The following SEMA3A variants were observed in gnomAD, a reference collection of about 807,000 sequenced individuals.
The protein encoded by SEMA3A is semaphorin 3A.
In SEMA3A, 29 loss-of-function variants were observed where a neutral mutation model predicts 97.9. The ratio of observed to expected loss-of-function variants is 0.30; its 90% CI spans 0.22 to 0.40. The LOEUF (loss-of-function observed/expected upper bound fraction) is 0.40. Among genes scored for constraint, SEMA3A ranks in the 10% least tolerant of loss-of-function variants. The pLI is 1.00. For synonymous variants in SEMA3A, 321 were observed against 323.7 expected (o/e 0.99, Z 0.09); for missense variants, 763 against 951.3 (o/e 0.80, Z 2.60).
At chr7:84,397,219 T>A (rs1195172953) in intron 1 of SEMA3A, among the ~76,000 whole-genome samples, 2 of 151,810 alleles carry the variant, frequency 1.3e-5, no homozygotes, top group Non-Finnish European at 2.9e-5. Flanking sequence ...TTTAATTGTC[T>A]GGTTCTGATT....
intron 1 of SEMA3A, among the ~76,000 whole-genome samples, chr7:84,402,151 CAAACA>C (rs566695344): frequency 9.2e-5 from 14 of 151,984 alleles, no homozygotes; most frequent in East Asian, 3.9e-4. Context: ...GGGTAGCAAA[CAAACA>C]AAACAAAACA....
intron 5 of SEMA3A, among the ~76,000 whole-genome samples, chr7:84,051,811 A>T (rs1792668556): frequency 6.6e-6 from 1 of 151,860 alleles, no homozygotes; most frequent in African/African-American, 2.4e-5. Context: ...GAATGCTTCC[A>T]GTTTTTGCAC....
At chr7:84,382,745 G>A (rs1443696010) in intron 1 of SEMA3A, among the ~76,000 whole-genome samples, 1 of 150,776 alleles carries the variant, frequency 6.6e-6, no homozygotes, top group Non-Finnish European at 1.5e-5. Flanking sequence ...AGGCGTGGTG[G>A]TGGGTGCCTG....
intron 2 of SEMA3A, among the ~76,000 whole-genome samples, chr7:84,330,522 G>A (rs1022579716): frequency 5.3e-5 from 8 of 151,924 alleles, no homozygotes; most frequent in Non-Finnish European, 8.8e-5. Context: ...GATATCAGTG[G>A]CAGAGATGGT....
At chr7:84,447,662 T>A (rs1048922486) in intron 1 of SEMA3A, among the ~76,000 whole-genome samples, 1 of 152,156 alleles carries the variant, frequency 6.6e-6, no homozygotes, top group Admixed American at 6.5e-5. Flanking sequence ...GTTCTGTCGC[T>A]CAATAAAGCT....
At chr7:84,032,821 A>C (rs1791809058) in intron 6 of SEMA3A, among the ~76,000 whole-genome samples, 1 of 151,784 alleles carries the variant, frequency 6.6e-6, no homozygotes. Context: ...CTATATTTAC[A>C]TGAATTTGAA....
chr7:84,464,359 A>T (rs549040213), intron 1 of SEMA3A, among the ~76,000 whole-genome samples: 2 of 152,326 alleles, frequency 1.3e-5, no homozygotes, highest in Admixed American at 6.5e-5. Context: ...GATGTAAGAG[A>T]AGGTTGCTTT....
At chr7:84,295,169 C>T (rs1584211255) in intron 3 of SEMA3A, among the ~76,000 whole-genome samples, 1 of 152,164 alleles carries the variant, frequency 6.6e-6, no homozygotes, top group East Asian at 1.9e-4. Flanking sequence ...GAAGGTACCT[C>T]TGTCCAACTT....
At chr7:83,981,570 C>CA in intron 13 of SEMA3A, 92 bp from the exon 14 acceptor site, 1 of 1,094,156 alleles carries the variant, frequency 9.1e-7, no homozygotes, top group South Asian at 2.3e-5. Flanking sequence ...TATAACTTCT[C>CA]AGAGATAAAT....
chr7:84,451,045 C>T (rs1187282519), intron 1 of SEMA3A, among the ~76,000 whole-genome samples: 1 of 152,154 alleles, frequency 6.6e-6, no homozygotes, highest in Non-Finnish European at 1.5e-5. Context: ...CTTTTGTTGC[C>T]TGTGCTTTCA....
chr7:84,461,655 T>G (rs1805843481), intron 1 of SEMA3A, among the ~76,000 whole-genome samples: 1 of 152,146 alleles, frequency 6.6e-6, no homozygotes, highest in Non-Finnish European at 1.5e-5. Context: ...ACCTAAACAA[T>G]GACATTCAGA....
intron 4 of SEMA3A, among the ~76,000 whole-genome samples, chr7:84,064,623 G>A (rs1255926614): frequency 1.6e-4 from 25 of 151,584 alleles, no homozygotes; most frequent in African/African-American, 6.1e-4. Flanking sequence ...TGCCATCCTA[G>A]TCTCTGATAA....
chr7:84,413,560 C>T (rs568380440), intron 1 of SEMA3A, among the ~76,000 whole-genome samples: 5 of 152,084 alleles, frequency 3.3e-5, no homozygotes, highest in Admixed American at 1.3e-4. Context: ...TCTGGGAAAT[C>T]GAGGCTGTGG....
chr7:83,963,216 G>C lies in SEMA3A; in HGVS notation c.1849C>G (p.Arg617Gly), dbSNP rs144701441. Residue 617 changes from arginine to glycine, a missense_variant, in exon 16 of 17, where the codon CGA (arginine) becomes GGA (glycine). Around this residue, in one of 2 missense-constraint regions of SEMA3A, gnomAD observed 678 missense variants for 881.3 expected, o/e 0.77. Coordinates refer to ENST00000265362, the MANE Select transcript of SEMA3A (RefSeq NM_006080.3). ...TTTCATTCCTGTACCTCTTCTTTTC[G>C]CTCTTCATTTCGCCTCTGGAATTGC... is the stretch of plus-strand genomic sequence containing the variant. Reference protein sequence around the residue: ...YWQFQRRNEERKEEIRVDDHI... With the variant: ...YWQFQRRNEEGKEEIRVDDHI... 6.2e-6 allele frequency: 10 copies of C among 1,612,758 alleles called. 1 individual carries two copies. The highest frequency in any genetic ancestry group is 5.1e-6 in the Non-Finnish European group (6 of 1,179,912).
At chr7:84,115,815 A>G (rs1795408494) in intron 3 of SEMA3A, among the ~76,000 whole-genome samples, 1 of 152,180 alleles carries the variant, frequency 6.6e-6, no homozygotes, top group Admixed American at 6.5e-5. Context: ...TTCAAAAATG[A>G]TATTCTGTGG....
chr7:84,181,141 A>C (rs1797723764), intron 1 of SEMA3A, among the ~76,000 whole-genome samples: 1 of 151,752 alleles, frequency 6.6e-6, no homozygotes, highest in Non-Finnish European at 1.5e-5. Context: ...CCCTCCTCAA[A>C]TTTTGTATAT....
chr7:84,340,829 C>A (rs891270713), intron 2 of SEMA3A, among the ~76,000 whole-genome samples: 3 of 149,958 alleles, frequency 2.0e-5, no homozygotes, highest in Non-Finnish European at 4.4e-5. Flanking sequence ...TCAAATACAT[C>A]AAAGTATACA....
chr7:84,136,775 T>G (rs1004534739), intron 1 of SEMA3A, among the ~76,000 whole-genome samples: 7 of 152,126 alleles, frequency 4.6e-5, no homozygotes, highest in Admixed American at 2.6e-4. Flanking sequence ...TATCTATCTT[T>G]TTATATATTT....
At chr7:84,202,051 C>T (rs1428284828) in intron 3 of SEMA3A, among the ~76,000 whole-genome samples, 1 of 152,120 alleles carries the variant, frequency 6.6e-6, no homozygotes, top group Admixed American at 6.5e-5. Context: ...GCTGATTATA[C>T]ATGAGGAAAA....
Sources: allele counts gnomAD v4.1 joint callset (sites outside exome capture counted in the v4.1 genomes callset), GRCh38; gene constraint gnomAD v4.1.1; regional missense constraint gnomAD v4.1.1; transcripts MANE v1.5; gene names NCBI Gene and HGNC (gene_info 2026-07-23, HGNC 2026-07-21).